The following MINDY2 variants were observed in gnomAD, a reference collection of about 807,000 sequenced individuals.
MINDY2 encodes MINDY lysine 48 deubiquitinase 2.
Under a neutral mutation model 68.2 loss-of-function variants are expected in MINDY2, and 52 were observed. The ratio of observed to expected loss-of-function variants is 0.76; its 90% CI spans 0.61 to 0.96. MINDY2 has a LOEUF of 0.96. MINDY2 is among the 40% of genes least tolerant of loss of function. The pLI is 0.00. For synonymous variants in MINDY2, 372 were observed against 303.0 expected (o/e 1.23, Z -2.36); for missense variants, 881 against 773.4 (o/e 1.14, Z -1.65).
chr15:58,834,523 A>G (rs1175377504), intron 6 of MINDY2, among the ~76,000 whole-genome samples: 5 of 152,180 alleles, frequency 3.3e-5, no homozygotes, highest in African/African-American at 1.2e-4. Flanking sequence ...TTAAATGAGA[A>G]TCTCCGGAGG....
At chr15:58,843,174 G>A (rs2032360659) in intron 6 of MINDY2, among the ~76,000 whole-genome samples, 2 of 152,150 alleles carry the variant, frequency 1.3e-5, no homozygotes, top group African/African-American at 4.8e-5. Flanking sequence ...TTTTGAGACA[G>A]AGTCTCGCTC....
At position 58,771,634 on chromosome 15, in the gene MINDY2, G is replaced by A; in HGVS notation, c.239G>A (p.Ser80Asn). The change falls in exon 1 of 9, where the codon AGC (serine) becomes AAC (asparagine). Residue 80 changes from serine to asparagine, a missense_variant. Physicochemically the swap from Ser to Asn is conservative, Grantham distance 46. Coordinates refer to ENST00000559228, the MANE Select transcript of MINDY2 (RefSeq NM_001040450.3). ...TCTCCTGAGGTTCCCGGACCCTGCA[G>A]CTCCTCCGCGGGTTTGGACTTGAAG... ...AGSPEVPGPC[S>N]SSAGLDLKDS... The A allele has an allele frequency of 6.2e-7, 1 of 1,612,428 alleles. No individual in the cohort carries two copies. Among genetic ancestry groups the A allele is most frequent in the South Asian group, 1.1e-5 (1 of 91,070 alleles).
chr15:58,790,676 T>A (rs1413317878), intron 2 of MINDY2, among the ~76,000 whole-genome samples: 2 of 152,010 alleles, frequency 1.3e-5, no homozygotes, highest in Non-Finnish European at 2.9e-5. Context: ...ATAAGTGAAG[T>A]TTGTAAGAAG....
chr15:58,819,544 TGCTGTG>T (rs2030926081), intron 4 of MINDY2, among the ~76,000 whole-genome samples: 1 of 152,126 alleles, frequency 6.6e-6, no homozygotes, highest in Non-Finnish European at 1.5e-5. Flanking sequence ...ACAGGAGTTT[TGCTGTG>T]TTACTCAGAC....
chr15:58,851,151 T>C (rs1486482254), intron 7 of MINDY2, among the ~76,000 whole-genome samples: 4 of 151,888 alleles, frequency 2.6e-5, no homozygotes, highest in African/African-American at 9.7e-5. Context: ...TTTTTGTGTT[T>C]TTAATAGAGA....
rs535288035 is a variant in MINDY2, at chr15:58,820,919, T to C, written c.1123-798T>C. ...TTTTATTAGATATATAACTTACTTA[T>C]ACAGCAATACACATAAATAATTTAT... On this transcript the variant is annotated intron_variant, in intron 4 of 8. Transcript: ENST00000559228. Among the ~76,000 whole-genome samples, 281 of 151,482 alleles carry C rather than the reference T, an allele frequency of 1.9e-3. 1 individual carries two copies. The highest frequency in any genetic ancestry group is 2.3e-3 in the Non-Finnish European group (153 of 67,804).
chr15:58,814,017 A>G (rs1236525488), intron 4 of MINDY2, among the ~76,000 whole-genome samples: 1 of 149,458 alleles, frequency 6.7e-6, no homozygotes, highest in African/African-American at 2.5e-5. Context: ...TGCTCAGTGC[A>G]GCCTCCTGCT....
intron 2 of MINDY2, among the ~76,000 whole-genome samples, chr15:58,793,038 C>G (rs996345996): frequency 6.6e-6 from 1 of 151,984 alleles, no homozygotes; most frequent in African/African-American, 2.4e-5. Context: ...AGAATAGGCA[C>G]ATTTATAGAG....
intron 5 of MINDY2, among the ~76,000 whole-genome samples, chr15:58,825,928 G>A (rs1429632510): frequency 1.3e-5 from 2 of 151,978 alleles, no homozygotes; most frequent in Non-Finnish European, 2.9e-5. Flanking sequence ...TTTAACAGTT[G>A]TTCCTAGGAC....
intron 1 of MINDY2, among the ~76,000 whole-genome samples, chr15:58,787,394 A>G (rs1901577845): frequency 6.6e-6 from 1 of 152,090 alleles, no homozygotes; most frequent in Non-Finnish European, 1.5e-5. Context: ...TTTTAATAGC[A>G]AAACCGCAAT....
At chr15:58,847,260 T>G in intron 6 of MINDY2, 37 bp from the exon 7 acceptor site, 2 of 1,497,220 alleles carry the variant, frequency 1.3e-6, no homozygotes, top group Non-Finnish European at 1.8e-6. Context: ...TTTTGATCAA[T>G]TTAACAGTCC....
At chr15:58,792,504 G>T (rs1465587844) in intron 2 of MINDY2, among the ~76,000 whole-genome samples, 1 of 152,196 alleles carries the variant, frequency 6.6e-6, no homozygotes. Flanking sequence ...TACTCGGGAG[G>T]ATGAGGCAGA....
At chr15:58,774,928 C>T (rs1419500022) in intron 1 of MINDY2, among the ~76,000 whole-genome samples, 1 of 152,138 alleles carries the variant, frequency 6.6e-6, no homozygotes, top group Non-Finnish European at 1.5e-5. Context: ...TTTTGTAAAT[C>T]TGTGGTTATC....
At chr15:58,830,654 T>C (rs546703185) in intron 5 of MINDY2, among the ~76,000 whole-genome samples, 2 of 152,296 alleles carry the variant, frequency 1.3e-5, no homozygotes, top group Admixed American at 1.3e-4. Context: ...CATCACAGCC[T>C]TTGTCTACTG....
intron 1 of MINDY2, among the ~76,000 whole-genome samples, chr15:58,773,303 A>G (rs892122069): frequency 6.6e-6 from 1 of 152,186 alleles, no homozygotes; most frequent in Non-Finnish European, 1.5e-5. Flanking sequence ...AAGAAAAATA[A>G]CCTGGATTCT....
chr15:58,781,030 G>T (rs1026469471), intron 1 of MINDY2, among the ~76,000 whole-genome samples: 3 of 152,000 alleles, frequency 2.0e-5, no homozygotes, highest in Non-Finnish European at 4.4e-5. Flanking sequence ...AATTCTGAAT[G>T]GAAGATGCCT....
intron 1 of MINDY2, among the ~76,000 whole-genome samples, chr15:58,784,823 C>T (rs1901379178): frequency 6.6e-6 from 1 of 151,652 alleles, no homozygotes; most frequent in Non-Finnish European, 1.5e-5. Flanking sequence ...TCTGTAGGGA[C>T]ATGGTCTCCC....
intron 4 of MINDY2, among the ~76,000 whole-genome samples, chr15:58,812,289 T>C (rs1275884304): frequency 6.6e-6 from 1 of 151,680 alleles, no homozygotes; most frequent in African/African-American, 2.4e-5. Flanking sequence ...ATACAAAAAT[T>C]AGTCGGGTGC....
intron 2 of MINDY2, chr15:58,796,186 T>C: frequency 2.2e-6 from 1 of 454,612 alleles, no homozygotes; most frequent in Middle Eastern, 3.3e-4. Context: ...AGGAAAAGGC[T>C]TAATGGAGAA....
Sources: allele counts gnomAD v4.1 joint callset (sites outside exome capture counted in the v4.1 genomes callset), GRCh38; gene constraint gnomAD v4.1.1; transcripts MANE v1.5; gene names NCBI Gene and HGNC (gene_info 2026-07-23, HGNC 2026-07-21).